NUDT9: variants seen among roughly 807,000 people sequenced by gnomAD.
The protein encoded by NUDT9 is nudix hydrolase 9.
Under a neutral mutation model 41.0 loss-of-function variants are expected in NUDT9, and 31 were observed. That is an observed-to-expected ratio of 0.76 (90% confidence interval 0.57 to 1.02). The LOEUF is 1.02. Ranked by LOEUF, NUDT9 falls within the 50% of genes least tolerant of loss-of-function variation. The probability of loss-of-function intolerance (pLI) is 0.00; values close to 1 mark genes in which losing one functional copy is unlikely to be tolerated. For synonymous variants in NUDT9, 146 were observed against 147.6 expected (o/e 0.99, Z 0.08); for missense variants, 380 against 431.4 (o/e 0.88, Z 1.06).
At chr4:87,429,775 C>A (rs929775119) in intron 1 of NUDT9, among the ~76,000 whole-genome samples, 1 of 148,928 alleles carries the variant, frequency 6.7e-6, no homozygotes, top group Non-Finnish European at 1.5e-5. Flanking sequence ...CCTCCCTTTC[C>A]TTTTCGTTCT....
chr4:87,437,632 A>G (rs371758162), intron 2 of NUDT9, among the ~76,000 whole-genome samples: 103 of 152,078 alleles, frequency 6.8e-4, no homozygotes, highest in African/African-American at 1.6e-3. Flanking sequence ...GTGAGCCACC[A>G]TGCCTGGCTG....
chr4:87,424,216 TC>T lies in NUDT9; in HGVS notation c.107+1205del, dbSNP rs1485817935. Among the ~76,000 whole-genome samples the T allele has an allele frequency of 5.3e-5, 8 of 149,976 alleles. No individual in the cohort carries two copies. The East Asian group carries it at 1.6e-3, about 30-fold the overall frequency. The stretch of plus-strand genomic sequence containing the variant: ...TGACTTCAAGCTTGAAACCTCTAGC[TC>T]GGCTCAGCTTGTAGGAATAGCATTT... On this transcript the variant is annotated intron_variant, in intron 1 of 7. Coordinates refer to ENST00000302174, the MANE Select transcript of NUDT9 (RefSeq NM_024047.5).
chr4:87,422,842 T>G lies in NUDT9; in HGVS notation c.-64T>G, dbSNP rs1578060807. On this transcript the variant is annotated 5_prime_UTR_variant, in exon 1 of 8. Coordinates refer to ENST00000302174, the MANE Select transcript of NUDT9 (RefSeq NM_024047.5). ...GCGGCCGGGACTCGGAGCTGTGGGG[T>G]GTGGGGAGGCGGAGGCACCAACTAA... The G allele has an allele frequency of 7.9e-7, 1 of 1,268,058 alleles. No homozygotes were observed. The highest frequency in any genetic ancestry group is 1.1e-6 in the Non-Finnish European group (1 of 890,642). The allele number at this position is 1,268,058 out of a possible 1,614,324, so 78.6% of individuals were successfully genotyped here.
rs149319613 is a variant in NUDT9, at chr4:87,441,842, C to T, written c.457C>T (p.Arg153Trp). 9.3e-6 allele frequency: 15 copies of T among 1,613,198 alleles called. No individual in the cohort carries two copies. In the Admixed American group the frequency reaches 1.2e-4, roughly 13 times the overall value. ...ENGRPRNPAG[R>W]TGLVGRGLLG... Reference sequence around the variant, plus strand: ...TTGTTTTTCCAGAAATCCTGCAGGACGGACTGGACTGGTGGGCCGGGGGCT... The same window carrying T: ...TTGTTTTTCCAGAAATCCTGCAGGATGGACTGGACTGGTGGGCCGGGGGCT... Residue 153 changes from arginine (R) to tryptophan (W), a missense_variant, in exon 4 of 8, where the codon CGG becomes TGG. Transcript: ENST00000302174.
chr4:87,439,191 A>G (rs1208745054), intron 3 of NUDT9, among the ~76,000 whole-genome samples: 2 of 151,238 alleles, frequency 1.3e-5, no homozygotes, highest in Non-Finnish European at 3.0e-5. Context: ...CATACCCAAG[A>G]CTGGGTAATG....
chr4:87,455,400 T>C (rs1347211265), intron 7 of NUDT9, among the ~76,000 whole-genome samples: 1 of 152,218 alleles, frequency 6.6e-6, no homozygotes, highest in East Asian at 1.9e-4. Flanking sequence ...TCTGTACAAC[T>C]TTAGTACTGA....
intron 1 of NUDT9, among the ~76,000 whole-genome samples, chr4:87,424,765 C>T (rs533376813): frequency 3.9e-5 from 6 of 152,124 alleles, no homozygotes; most frequent in Non-Finnish European, 8.8e-5. Context: ...CGTGTGTGCT[C>T]TCTGGAAATC....
intron 6 of NUDT9, among the ~76,000 whole-genome samples, chr4:87,451,969 A>G (rs1455315552): frequency 6.6e-6 from 1 of 152,116 alleles, no homozygotes; most frequent in Non-Finnish European, 1.5e-5. Flanking sequence ...GTTCATTTAT[A>G]TCATTTATTA....
At chr4:87,437,489 C>T (rs1009783532) in intron 2 of NUDT9, among the ~76,000 whole-genome samples, 9 of 151,406 alleles carry the variant, frequency 5.9e-5, no homozygotes, top group African/African-American at 1.7e-4. Flanking sequence ...TACAGGTGCC[C>T]ACCACCATGC....
At chr4:87,443,053 A>C (rs945072802) in intron 4 of NUDT9, among the ~76,000 whole-genome samples, 2 of 152,216 alleles carry the variant, frequency 1.3e-5, no homozygotes, top group Non-Finnish European at 2.9e-5. Flanking sequence ...TTGTACTCTT[A>C]TGACTGGCAG....
chr4:87,449,793 A>G (rs542030393), intron 5 of NUDT9, among the ~76,000 whole-genome samples: 1 of 152,088 alleles, frequency 6.6e-6, no homozygotes, highest in Non-Finnish European at 1.5e-5. Context: ...AGATGAGTAT[A>G]CTTTTGTTGG....
At chr4:87,452,943 C>G (rs1274570620) in intron 6 of NUDT9, among the ~76,000 whole-genome samples, 4 of 151,092 alleles carry the variant, frequency 2.6e-5, no homozygotes, top group Non-Finnish European at 4.4e-5. Flanking sequence ...TCCAGAGTAG[C>G]TGGGATTACA....
intron 4 of NUDT9, 73 bp from the exon 5 acceptor site, chr4:87,449,069 C>CTTTA (rs1358480208): frequency 1.2e-6 from 1 of 840,722 alleles, no homozygotes; most frequent in African/African-American, 1.7e-5. Context: ...GTCCTTGTAA[C>CTTTA]TTTATCTCAA....
In NUDT9 at chr4:87,436,188, G is replaced by A. The variant is rs1344179289; in HGVS notation, c.347+968G>A. Reference sequence around the variant, plus strand: ...TTATTTTATTTTTAAGTAGAGATGGGGTCTCACTGTATTGTCCAGGCTGGA... The same window carrying A: ...TTATTTTATTTTTAAGTAGAGATGGAGTCTCACTGTATTGTCCAGGCTGGA... On this transcript the variant is annotated intron_variant, in intron 2 of 7. Transcript: ENST00000302174. 2.0e-5 allele frequency among the ~76,000 whole-genome samples: 3 copies of A among 151,986 alleles called. No homozygotes were observed. In the South Asian group the frequency reaches 6.2e-4, roughly 32 times the overall value.
At chr4:87,440,408 G>A (rs747664771) in intron 3 of NUDT9, among the ~76,000 whole-genome samples, 4 of 152,156 alleles carry the variant, frequency 2.6e-5, no homozygotes, top group Admixed American at 2.6e-4. Context: ...ATAACCATCT[G>A]TGCTTTTCAG....
chr4:87,437,165 G>A (rs963637330), intron 2 of NUDT9, among the ~76,000 whole-genome samples: 4 of 147,116 alleles, frequency 2.7e-5, no homozygotes, highest in Non-Finnish European at 4.5e-5. Context: ...CAGGAGAGTC[G>A]CTTGAATCTG....
At chr4:87,450,114 C>T (rs957768459) in intron 5 of NUDT9, among the ~76,000 whole-genome samples, 4 of 152,018 alleles carry the variant, frequency 2.6e-5, no homozygotes, top group South Asian at 4.2e-4. Flanking sequence ...CTGCCTGCCC[C>T]GGGGCCTCCC....
intron 1 of NUDT9, among the ~76,000 whole-genome samples, chr4:87,429,040 C>T (rs572040394): frequency 3.3e-5 from 5 of 152,214 alleles, no homozygotes; most frequent in East Asian, 3.9e-4. Flanking sequence ...GTGAAACTTG[C>T]GTATGATACC....
At chr4:87,449,313 G>A in intron 5 of NUDT9, 60 bp downstream of exon 5, 1 of 864,806 alleles carries the variant, frequency 1.2e-6, no homozygotes, top group Non-Finnish European at 2.0e-6. Context: ...TTACTACAGG[G>A]TTATTGTTTG....
Sources: gnomAD v4.1 joint callset for allele counts (sites outside exome capture counted in the v4.1 genomes callset) on GRCh38, gnomAD v4.1.1 for gene constraint, MANE v1.5 for transcripts, NCBI Gene and HGNC (gene_info 2026-07-23, HGNC 2026-07-21) for gene names.